FSIP2: variants seen among roughly 807,000 people sequenced by gnomAD.
FSIP2 encodes the protein fibrous sheath-interacting protein 2.
FSIP2 carries 367 observed loss-of-function variants against 510.5 expected under a neutral mutation model. The ratio of observed to expected loss-of-function variants is 0.72; its 90% CI spans 0.66 to 0.78. The LOEUF (loss-of-function observed/expected upper bound fraction) is 0.78. Among genes scored for constraint, FSIP2 ranks in the 30% least tolerant of loss-of-function variants. FSIP2 has a pLI of 0.00. For missense variants in FSIP2, 7,594 were observed against 7,901.7 expected (o/e 0.96, Z 1.48); for synonymous variants, 2,601 against 2,732.2 (o/e 0.95, Z 1.50).
intron 13 of FSIP2, among the ~76,000 whole-genome samples, chr2:185,772,546 C>T (rs1467121866): frequency 6.6e-6 from 1 of 152,110 alleles, no homozygotes; most frequent in Non-Finnish European, 1.5e-5. Context: ...CTCTTTTAAA[C>T]AGCCAGTTCT....
chr2:185,791,031 G>C lies in FSIP2; in HGVS notation c.3895G>C (p.Val1299Leu), dbSNP rs771232709. ...ACTTAGTAAGTACACAGCTAAAATA[G>C]TAAACATTGTTTTATGTGCTATCCA... ...SQLSKYTAKI[V>L]NIVLCAIQNE... Residue 1299 changes from valine (V) to leucine (L), a missense_variant, in exon 16 of 23, where the codon GTA (valine) becomes CTA (leucine). Val to Leu is a conservative substitution (Grantham distance 32). Transcript: ENST00000424728. The C allele has an allele frequency of 1.3e-6, 2 of 1,531,950 alleles. No homozygotes were observed. The highest frequency in any genetic ancestry group is 1.7e-4 in the Middle Eastern group (1 of 5,960). The allele number at this position is 1,531,950 out of a possible 1,614,324, so 94.9% of individuals were successfully genotyped here.
chr2:185,823,107 T>C (rs576460050), intron 19 of FSIP2, among the ~76,000 whole-genome samples: 4 of 152,016 alleles, frequency 2.6e-5, no homozygotes, highest in Admixed American at 2.0e-4. Context: ...AAAACTTTTG[T>C]TGGAAGACAT....
At chr2:185,763,062 C>G (rs945334902) in intron 11 of FSIP2, 121 bp from the exon 12 acceptor site, 3 of 579,700 alleles carry the variant, frequency 5.2e-6, no homozygotes, top group Non-Finnish European at 9.3e-6. Context: ...CTGATTGTGG[C>G]AATTCTAGTC....
chr2:185,813,087 T>G (rs1693767549), intron 17 of FSIP2, among the ~76,000 whole-genome samples: 1 of 152,100 alleles, frequency 6.6e-6, no homozygotes, highest in Non-Finnish European at 1.5e-5. Context: ...GTAAAGATTT[T>G]AAAACCATTA....
intron 6 of FSIP2, 120 bp from the exon 7 acceptor site, chr2:185,747,193 A>T: frequency 1.7e-6 from 1 of 588,352 alleles, no homozygotes; most frequent in Non-Finnish European, 3.0e-6. Flanking sequence ...GCCTTTCATT[A>T]TGCTTAACCT....
At chr2:185,758,541 T>C (rs2105552462) in intron 9 of FSIP2, among the ~76,000 whole-genome samples, 1 of 151,382 alleles carries the variant, frequency 6.6e-6, no homozygotes, top group South Asian at 2.1e-4. Context: ...GAAAATGTAA[T>C]GTATTTACTA....
At position 185,791,030 on chromosome 2, in the gene FSIP2, A is replaced by G. The variant is rs1319800146; in HGVS notation, c.3894A>G (p.Ile1298Met). ...RSQLSKYTAK[I>M]VNIVLCAIQN... Reference sequence around the variant, plus strand: ...AACTTAGTAAGTACACAGCTAAAATAGTAAACATTGTTTTATGTGCTATCC... The same window carrying G: ...AACTTAGTAAGTACACAGCTAAAATGGTAAACATTGTTTTATGTGCTATCC... Residue 1298 changes from isoleucine to methionine, a missense_variant, in exon 16 of 23, where the codon ATA (isoleucine) becomes ATG (methionine). Ile to Met is a conservative substitution (Grantham distance 10). Transcript: ENST00000424728. 5 of 1,531,802 alleles carry G rather than the reference A, an allele frequency of 3.3e-6. No homozygotes were observed. The highest frequency in any genetic ancestry group is 1.2e-5 in the South Asian group (1 of 83,460). 94.9% of individuals were successfully genotyped at this position (1,531,802 alleles called of 1,614,324 possible). A position where few individuals can be genotyped will look rare whatever the true frequency, so the allele number is the denominator to read the frequency against.
At chr2:185,755,824 G>C (rs1437471747) in intron 8 of FSIP2, among the ~76,000 whole-genome samples, 6 of 151,476 alleles carry the variant, frequency 4.0e-5, no homozygotes, top group Non-Finnish European at 7.4e-5. Context: ...GCTTATGCCA[G>C]GCAGCAAGGC....
At chr2:185,820,130 G>A (rs1693887691) in intron 19 of FSIP2, among the ~76,000 whole-genome samples, 1 of 151,938 alleles carries the variant, frequency 6.6e-6, no homozygotes, top group Admixed American at 6.6e-5. Flanking sequence ...CATGTCGTGA[G>A]AAGGACCAGG....
intron 13 of FSIP2, among the ~76,000 whole-genome samples, chr2:185,772,250 A>C (rs144196801): frequency 7.2e-4 from 110 of 152,164 alleles, no homozygotes; most frequent in South Asian, 1.5e-3. Context: ...AACTTTTCTT[A>C]TCTCTCTCCA....
intron 13 of FSIP2, among the ~76,000 whole-genome samples, chr2:185,767,162 C>G (rs62199138): frequency 7.1e-6 from 1 of 139,926 alleles, no homozygotes; most frequent in East Asian, 2.2e-4. Flanking sequence ...ACTCTGGGGA[C>G]TGTTGTGGGG....
At position 185,800,358 on chromosome 2, in the gene FSIP2, T is replaced by C. The variant is rs774750641; in HGVS notation, c.11052T>C (p.Val3684=). ...TTGCATGTAAGTTAAACAGCCTGGTTGGTAACCTAAAAACAAGTGAATCCA... is the reference window on the plus strand; with the variant it reads ...TTGCATGTAAGTTAAACAGCCTGGTCGGTAACCTAAAAACAAGTGAATCCA... ...SYLACKLNSL[V]GNLKTSESKE... Residue 3684 remains valine, a synonymous_variant, in exon 17 of 23, where the codon GTT becomes GTC. Coordinates refer to ENST00000424728, the MANE Select transcript of FSIP2 (RefSeq NM_173651.4). 2.0e-6 allele frequency: 3 copies of C among 1,529,384 alleles called. No individual in the cohort carries two copies. The highest frequency in any genetic ancestry group is 2.6e-6 in the Non-Finnish European group (3 of 1,144,366). 94.7% of individuals were successfully genotyped at this position (1,529,384 alleles called of 1,614,324 possible).
intron 13 of FSIP2, among the ~76,000 whole-genome samples, chr2:185,771,767 C>G (rs922384241): frequency 1.3e-5 from 2 of 152,204 alleles, no homozygotes; most frequent in Non-Finnish European, 2.9e-5. Context: ...GCTCCACAAC[C>G]TGCTTGTATT....
chr2:185,825,081 TA>T (rs1467012097), intron 20 of FSIP2, among the ~76,000 whole-genome samples: 2 of 151,770 alleles, frequency 1.3e-5, no homozygotes, highest in African/African-American at 2.4e-5. Flanking sequence ...AAAGTCACAT[TA>T]AAAGTCAAAC....
Position 185,791,177 on chromosome 2 carries a change from T to G in FSIP2, c.4041T>G (p.Ser1347Arg). The change falls in exon 16 of 23, where the codon AGT (serine) becomes AGG (arginine). Residue 1347 changes from serine (S) to arginine (R), a missense_variant. By Grantham distance (110) the Ser-to-Arg change is moderately radical (BLOSUM62 -1). Coordinates refer to ENST00000424728, the MANE Select transcript of FSIP2 (RefSeq NM_173651.4). ...AAAAATTAGAATCTCTTGTCACGAG[T>G]ATTGATGATGACATTTTGGCGAGTC... ...TDKKLESLVT[S>R]IDDDILASPL... 6.5e-7 allele frequency: 1 copy of G among 1,533,760 alleles called. No individual in the cohort carries two copies. Among genetic ancestry groups the G allele is most frequent in the East Asian group, 2.4e-5 (1 of 40,836 alleles).
Position 185,801,777 on chromosome 2 carries a change from A to AC in FSIP2, c.12474dup (p.Ile4159HisfsTer15). ...GGCTTTTATCTCAGCTAATTCCTCC[A>AC]CCCATTACATGTTCCTCTTTAGGAA... On this transcript the variant is annotated frameshift_variant, in exon 17 of 23. Transcript: ENST00000424728. LOFTEE classifies it high-confidence loss of function. 1.3e-6 allele frequency: 2 copies of AC among 1,510,578 alleles called. No homozygotes were observed. The highest frequency in any genetic ancestry group is 1.8e-6 in the Non-Finnish European group (2 of 1,133,262). 93.6% of individuals were successfully genotyped at this position (1,510,578 alleles called of 1,614,324 possible). A position where few individuals can be genotyped will look rare whatever the true frequency, so the allele number is the denominator to read the frequency against.
intron 20 of FSIP2, among the ~76,000 whole-genome samples, chr2:185,824,726 T>C (rs982055883): frequency 6.6e-6 from 1 of 151,764 alleles, no homozygotes; most frequent in African/African-American, 2.4e-5. Flanking sequence ...GAATTCACAT[T>C]TACCATACTC....
chr2:185,759,447 T>G (rs1002713928), intron 9 of FSIP2, among the ~76,000 whole-genome samples: 5 of 145,942 alleles, frequency 3.4e-5, no homozygotes, highest in East Asian at 3.9e-4. Context: ...ATACTTATAT[T>G]TATTAAAATT....
In FSIP2 at chr2:185,797,063, A is replaced by T; in HGVS notation, c.9927A>T (p.Lys3309Asn). 6.5e-7 allele frequency: 1 copy of T among 1,535,228 alleles called. No individual in the cohort carries two copies. Among genetic ancestry groups the T allele is most frequent in the Non-Finnish European group, 8.7e-7 (1 of 1,146,318 alleles). The change falls in exon 16 of 23, where the codon AAA becomes AAT. Residue 3309 changes from lysine (K) to asparagine (N), a missense_variant. Lys to Asn is a moderately conservative substitution (Grantham distance 94, BLOSUM62 0). Transcript: ENST00000424728. ...GAGTGTTTCATTATGAGAACCTAAA[A>T]CCAGTTGTTGAACCAAACCAAATTC... The part of the protein sequence containing the change: ...NLRVFHYENL[K>N]PVVEPNQIQT...
Sources: allele counts gnomAD v4.1 joint callset (sites outside exome capture counted in the v4.1 genomes callset), GRCh38; gene constraint gnomAD v4.1.1; transcripts MANE v1.5; gene names NCBI Gene and HGNC (gene_info 2026-07-23, HGNC 2026-07-21).